Variants in PSMD3 observed in about 807,000 individuals in gnomAD.
PSMD3 encodes the protein proteasome 26S subunit, non-ATPase 3.
Under a neutral mutation model 62.8 loss-of-function variants are expected in PSMD3, and 5 were observed. The ratio of observed to expected loss-of-function variants is 0.08; its 90% CI spans 0.04 to 0.17. The LOEUF (loss-of-function observed/expected upper bound fraction) is 0.17, where lower values mean the gene tolerates loss of function less well. PSMD3 is among the 10% of genes least tolerant of loss of function. PSMD3 has a pLI of 1.00. For synonymous variants in PSMD3, 265 were observed against 283.9 expected (o/e 0.93, Z 0.67); for missense variants, 524 against 713.6 (o/e 0.73, Z 3.03).
At chr17:39,994,759 A>G in intron 6 of PSMD3, 195 bp from the exon 7 acceptor site, 1 of 596,266 alleles carries the variant, frequency 1.7e-6, no homozygotes, top group Non-Finnish European at 3.0e-6. Context: ...CCACATTCCC[A>G]GCACCCGGCT....
At chr17:39,985,421 A>G (rs1300819646) in intron 2 of PSMD3, among the ~76,000 whole-genome samples, 1 of 152,208 alleles carries the variant, frequency 6.6e-6, no homozygotes, top group Non-Finnish European at 1.5e-5. Flanking sequence ...CCTGGTACGT[A>G]GTGAATGCAG....
chr17:39,995,633 T>C lies in PSMD3; in HGVS notation c.1320+106T>C. On this transcript the variant is annotated intron_variant, in intron 9 of 11. Coordinates refer to ENST00000264639, the MANE Select transcript of PSMD3 (RefSeq NM_002809.4). The surrounding 1 kb of genome is among the most constrained non-coding windows in gnomAD (Gnocchi z 4.1). ...CCAAGGAGGGGAATAGGTAAAGCAA[T>C]GGCATAGTCATTTCAGGGCGTGCCC... 2 of 1,103,824 alleles carry C rather than the reference T, an allele frequency of 1.8e-6. No homozygotes were observed. The highest frequency in any genetic ancestry group is 1.4e-6 in the Non-Finnish European group (1 of 739,532). The allele number at this position is 1,103,824 out of a possible 1,614,324, so 68.4% of individuals were successfully genotyped here.
At position 39,996,285 on chromosome 17, in the gene PSMD3, G is replaced by T; in HGVS notation, c.1423G>T (p.Ala475Ser). The change falls in exon 10 of 12, where the codon GCC becomes TCC. Residue 475 changes from alanine (A) to serine (S), a missense_variant. Physicochemically the swap from Ala to Ser is moderately conservative, Grantham distance 99. Transcript: ENST00000264639. The surrounding 1 kb of genome is among the most constrained non-coding windows in gnomAD (Gnocchi z 5.1). ...DIYSTREPQL[A>S]FHQRISFCLD... ...CTATTCCACCCGAGAGCCCCAGCTA[G>T]CCTTCCACCAGCGCATCTCCTTCTG... is the stretch of plus-strand genomic sequence containing the variant. 1 of 1,614,072 alleles carries T rather than the reference G, an allele frequency of 6.2e-7. No individual in the cohort carries two copies. The highest frequency in any genetic ancestry group is 8.5e-7 in the Non-Finnish European group (1 of 1,180,016).
In PSMD3 at chr17:39,986,680, A is replaced by G. The variant is rs760050130; in HGVS notation, c.517A>G (p.Ile173Val). 1 of 1,614,194 alleles carries G rather than the reference A, an allele frequency of 6.2e-7. No homozygotes were observed. The highest frequency in any genetic ancestry group is 8.5e-7 in the Non-Finnish European group (1 of 1,180,040). The change falls in exon 3 of 12, where the codon ATC becomes GTC. Residue 173 changes from isoleucine to valine, a missense_variant. This residue lies in a region of PSMD3 where 396 missense variants were observed against 475.8 expected (regional missense o/e 0.83). Coordinates refer to ENST00000264639, the MANE Select transcript of PSMD3 (RefSeq NM_002809.4). ...VEAYLQLLVV[I>V]FMMNSKRYKE... ...AGCCTATCTCCAACTCCTCGTGGTC[A>G]TCTTCATGATGAACAGCAAGCGCTA...
intron 4 of PSMD3, among the ~76,000 whole-genome samples, 185 bp from the exon 5 acceptor site, chr17:39,989,554 T>C (rs1980604906): frequency 1.3e-5 from 2 of 152,250 alleles, no homozygotes; most frequent in Admixed American, 1.3e-4. Context: ...GGCAGGGTTT[T>C]GTCCCTTTGT....
chr17:39,989,275 C>T (rs963434992), intron 4 of PSMD3, among the ~76,000 whole-genome samples: 3 of 152,124 alleles, frequency 2.0e-5, no homozygotes, highest in East Asian at 1.9e-4. Flanking sequence ...CTGGTGTGCC[C>T]GGCACACTCT....
chr17:39,993,272 A>G (rs753502212), intron 6 of PSMD3: 6 of 152,244 alleles, frequency 3.9e-5, no homozygotes, highest in African/African-American at 7.2e-5. Flanking sequence ...TCACTTTACC[A>G]TAATTACCTC....
intron 2 of PSMD3, among the ~76,000 whole-genome samples, chr17:39,986,237 A>G (rs1451009755): frequency 6.6e-6 from 1 of 152,004 alleles, no homozygotes. Flanking sequence ...CTGGGAATAC[A>G]GGTGCATGCC....
rs761441485 is a variant in PSMD3, at chr17:39,997,534, G to C, written c.1558G>C (p.Glu520Gln). 1 of 1,609,354 alleles carries C rather than the reference G, an allele frequency of 6.2e-7. No homozygotes were observed. Among genetic ancestry groups the C allele is most frequent in the Non-Finnish European group, 8.5e-7 (1 of 1,177,134 alleles). Residue 520 changes from glutamate to glutamine, a missense_variant, in exon 12 of 12, where the codon GAG becomes CAG. Coordinates refer to ENST00000264639, the MANE Select transcript of PSMD3 (RefSeq NM_002809.4). The stretch of plus-strand genomic sequence containing the variant: ...GCGTGAGCGAGAACAGCAGGACTTG[G>C]AGTTTGCCAAGGAGATGGCAGAAGA... ...ERREREQQDL[E>Q]FAKEMAEDDD...
chr17:39,995,608 C>T lies in PSMD3; in HGVS notation c.1320+81C>T. ...GGAGGCAGGAGTGGGAGGAGTTTGGCCAAGGAGGGGAATAGGTAAAGCAAT... is the reference window on the plus strand; with the variant it reads ...GGAGGCAGGAGTGGGAGGAGTTTGGTCAAGGAGGGGAATAGGTAAAGCAAT... On this transcript the variant is annotated intron_variant, in intron 9 of 11. Coordinates refer to ENST00000264639, the MANE Select transcript of PSMD3 (RefSeq NM_002809.4). The surrounding 1 kb of genome is among the most constrained non-coding windows in gnomAD (Gnocchi z 4.1). The T allele has an allele frequency of 1.5e-6, 2 of 1,373,882 alleles. No individual in the cohort carries two copies. The highest frequency in any genetic ancestry group is 1.2e-5 in the South Asian group (1 of 84,222). 85.1% of individuals were successfully genotyped at this position (1,373,882 alleles called of 1,614,324 possible). A position where few individuals can be genotyped will look rare whatever the true frequency, so the allele number is the denominator to read the frequency against.
intron 1 of PSMD3, among the ~76,000 whole-genome samples, chr17:39,984,015 C>T (rs888253874): frequency 6.6e-5 from 10 of 151,890 alleles, no homozygotes; most frequent in Non-Finnish European, 1.3e-4. Flanking sequence ...CTGGCTAACA[C>T]GGTGAAACCC....
Position 39,989,734 on chromosome 17 carries a change from T to G in PSMD3, c.687-5T>G. The G allele has an allele frequency of 6.2e-7, 1 of 1,610,340 alleles. No homozygotes were observed. On this transcript the variant is annotated splice_region_variant and splice_polypyrimidine_tract_variant and intron_variant, in intron 4 of 11. Transcript: ENST00000264639. Reference sequence around the variant, plus strand: ...GGCTTTGACATCTTTCTTTCCTTCTTGAAGCTTCTTGCATGCTCGGCTCCG... The same window carrying G: ...GGCTTTGACATCTTTCTTTCCTTCTGGAAGCTTCTTGCATGCTCGGCTCCG...
Position 39,995,111 on chromosome 17 carries a change from C to T in PSMD3, c.1096+43C>T. On this transcript the variant is annotated intron_variant, in intron 7 of 11. Transcript: ENST00000264639. This position sits in a 1 kb window ranked among gnomAD's most constrained non-coding sequence, Gnocchi z 4.1. ...ACCCCAGAGCCCACTAGGCCCCCTT[C>T]AGTGGGGCCTCTTACATGCCTGTGC... 6.2e-7 allele frequency: 1 copy of T among 1,613,142 alleles called. No homozygotes were observed. Among genetic ancestry groups the T allele is most frequent in the Non-Finnish European group, 8.5e-7 (1 of 1,179,212 alleles).
At chr17:39,993,112 C>T (rs921245449) in intron 6 of PSMD3, 2 of 152,146 alleles carry the variant, frequency 1.3e-5, no homozygotes, top group South Asian at 2.1e-4. Flanking sequence ...AAGTGTGACA[C>T]GATTGGTTTC....
At chr17:39,988,384 G>A (rs1980575844) in intron 3 of PSMD3, among the ~76,000 whole-genome samples, 2 of 152,150 alleles carry the variant, frequency 1.3e-5, no homozygotes, top group South Asian at 4.1e-4. Context: ...TTTCAAGGTT[G>A]ACCCATGTTG....
intron 6 of PSMD3, among the ~76,000 whole-genome samples, chr17:39,990,544 G>A (rs953782538): frequency 3.9e-5 from 6 of 152,124 alleles, no homozygotes; most frequent in African/African-American, 1.4e-4. Flanking sequence ...CAATCCTTCG[G>A]CCTCTGCCTC....
chr17:39,985,773 A>C (rs1980511765), intron 2 of PSMD3, among the ~76,000 whole-genome samples: 1 of 152,258 alleles, frequency 6.6e-6, no homozygotes, highest in African/African-American at 2.4e-5. Flanking sequence ...TGACTGTAAC[A>C]CATTATTTTT....
intron 6 of PSMD3, chr17:39,994,086 A>T (rs1980722880): frequency 6.6e-6 from 1 of 151,600 alleles, no homozygotes; most frequent in African/African-American, 2.4e-5. Flanking sequence ...GCTTTGTCAG[A>T]CTCCTTAAGG....
At chr17:39,982,946 A>G (rs948969721) in intron 1 of PSMD3, among the ~76,000 whole-genome samples, 1 of 152,204 alleles carries the variant, frequency 6.6e-6, no homozygotes, top group Non-Finnish European at 1.5e-5. Context: ...AAGGCTGAAC[A>G]TTTTAAAGGT....
Sources: allele counts gnomAD v4.1 joint callset (sites outside exome capture counted in the v4.1 genomes callset), GRCh38; gene constraint gnomAD v4.1.1; regional missense constraint gnomAD v4.1.1; non-coding constraint Gnocchi (gnomAD v3.1); transcripts MANE v1.5; gene names NCBI Gene and HGNC (gene_info 2026-07-23, HGNC 2026-07-21).